Variants in HDAC9 observed in about 807,000 individuals in gnomAD.
HDAC9 encodes the protein histone deacetylase 9.
In HDAC9, 41 loss-of-function variants were observed where a neutral mutation model predicts 139.4. The ratio of observed to expected loss-of-function variants is 0.29; its 90% CI spans 0.23 to 0.38. HDAC9 has a LOEUF of 0.38. Among genes scored for constraint, HDAC9 ranks in the 10% least tolerant of loss-of-function variants. HDAC9 has a pLI of 1.00. For synonymous variants in HDAC9, 517 were observed against 476.2 expected, an observed-to-expected ratio of 1.09 and a Z score of -1.12; for missense variants, 1,147 against 1,297.0, an observed-to-expected ratio of 0.88 and a Z score of 1.78.
chr7:18,568,780 G>A (rs1823297670), intron 2 of HDAC9, among the ~76,000 whole-genome samples: 1 of 152,182 alleles, frequency 6.6e-6, no homozygotes, highest in Non-Finnish European at 1.5e-5. Flanking sequence ...GGGCGCAGTG[G>A]CTCACACCTG....
chr7:18,980,132 T>C (rs1784804544), intron 25 of HDAC9, among the ~76,000 whole-genome samples: 1 of 152,138 alleles, frequency 6.6e-6, no homozygotes, highest in South Asian at 2.1e-4. Flanking sequence ...AGGGCCATCA[T>C]TTTATCTCTA....
chr7:18,996,098 A>G lies in HDAC9; in HGVS notation c.*36A>G. The G allele has an allele frequency of 6.5e-7, 1 of 1,543,564 alleles. No homozygotes were observed. Among genetic ancestry groups the G allele is most frequent in the Non-Finnish European group, 8.9e-7 (1 of 1,125,318 alleles). ...CCCCCTCTGATATTTCCTGTGTGTG[A>G]CATCATTGTGTATCCCCCCACCCCA... On this transcript the variant is annotated 3_prime_UTR_variant, in exon 26 of 26. Coordinates refer to ENST00000686413, the MANE Select transcript of HDAC9 (RefSeq NM_178425.4).
intron 1 of HDAC9, among the ~76,000 whole-genome samples, chr7:18,315,384 T>C (rs1466413907): frequency 1.3e-5 from 2 of 152,096 alleles, no homozygotes; most frequent in East Asian, 3.9e-4. Context: ...CATTAGCTGC[T>C]CAAGGTCACA....
intron 1 of HDAC9, among the ~76,000 whole-genome samples, chr7:18,381,356 T>C (rs1562936137): frequency 6.6e-6 from 1 of 152,042 alleles, no homozygotes; most frequent in Non-Finnish European, 1.5e-5. Flanking sequence ...GTTGAATAAA[T>C]TTCTCTAACT....
At chr7:18,561,830 A>C (rs1820710271) in intron 2 of HDAC9, among the ~76,000 whole-genome samples, 1 of 152,132 alleles carries the variant, frequency 6.6e-6, no homozygotes, top group South Asian at 2.1e-4. Flanking sequence ...ACCACATTTT[A>C]TTTATCAGTG....
At chr7:18,192,695 C>T (rs1790438848) in intron 2 of HDAC9, among the ~76,000 whole-genome samples, 1 of 152,060 alleles carries the variant, frequency 6.6e-6, no homozygotes, top group Non-Finnish European at 1.5e-5. Context: ...TCATCTAGTC[C>T]AGTGCTCATG....
At position 18,301,358 on chromosome 7, in the gene HDAC9, G is replaced by C. The variant is rs76616931; in HGVS notation, c.-42+10843G>C. On this transcript the variant is annotated intron_variant, in intron 1 of 3. Coordinates refer to the HDAC9 transcript ENST00000413509. Reference sequence around the variant, plus strand: ...GTAGTTGAAGTTGCATTTTATGATAGAGCAGGACATTGTTGTCGTGTTTTT... The same window carrying C: ...GTAGTTGAAGTTGCATTTTATGATACAGCAGGACATTGTTGTCGTGTTTTT... Among the ~76,000 whole-genome samples the C allele has an allele frequency of 3.8e-3, 574 of 152,202 alleles. 1 individual carries two copies. The highest frequency in any genetic ancestry group is 6.9e-3 in the Non-Finnish European group (472 of 67,982).
intron 1 of HDAC9, among the ~76,000 whole-genome samples, chr7:18,448,391 C>A (rs970106978): frequency 6.6e-6 from 1 of 151,978 alleles, no homozygotes; most frequent in African/African-American, 2.4e-5. Context: ...GTACAAAATG[C>A]AAGAAAGCAT....
chr7:18,686,790 G>T (rs1782307962), intron 12 of HDAC9, among the ~76,000 whole-genome samples: 2 of 151,714 alleles, frequency 1.3e-5, no homozygotes, highest in South Asian at 4.1e-4. Context: ...ATGTTTAAAA[G>T]AATGGTTGGA....
At chr7:18,522,819 C>T (rs1277209620) in intron 2 of HDAC9, among the ~76,000 whole-genome samples, 1 of 152,096 alleles carries the variant, frequency 6.6e-6, no homozygotes, top group Non-Finnish European at 1.5e-5. Flanking sequence ...TCCCAGGAAT[C>T]CTCTTTGTAG....
chr7:18,666,421 A>G lies in HDAC9; in HGVS notation c.1676A>G (p.Glu559Gly), dbSNP rs1794912627. The change falls in exon 12 of 26, where the codon GAA (glutamate) becomes GGA (glycine). Residue 559 changes from glutamate (E) to glycine (G), a missense_variant. By Grantham distance (98) the Glu-to-Gly change is moderately conservative. This residue lies in a region of HDAC9 where 256 missense variants were observed against 219.2 expected (regional missense o/e 1.17). Transcript: ENST00000686413. ...KVKEEPVDSD[E>G]DAQIQEMESG... ...AAGGAGGAACCAGTGGACAGTGATG[A>G]AGATGCTCAGATCCAGGAAATGGAA... 1 of 1,612,658 alleles carries G rather than the reference A, an allele frequency of 6.2e-7. No individual in the cohort carries two copies. The highest frequency in any genetic ancestry group is 1.7e-5 in the Admixed American group (1 of 59,822).
chr7:18,518,247 T>C (rs1487354399), intron 2 of HDAC9, among the ~76,000 whole-genome samples: 1 of 152,220 alleles, frequency 6.6e-6, no homozygotes, highest in Non-Finnish European at 1.5e-5. Flanking sequence ...GGGAACTTCT[T>C]CTATACGAAT....
At chr7:18,245,805 T>A (rs1430958679) in intron 2 of HDAC9, among the ~76,000 whole-genome samples, 1 of 152,154 alleles carries the variant, frequency 6.6e-6, no homozygotes, top group African/African-American at 2.4e-5. Flanking sequence ...TGTGCTCGTT[T>A]GTTCACCATT....
At chr7:18,841,816 TCTC>T (rs774518980) in intron 21 of HDAC9, among the ~76,000 whole-genome samples, 3 of 152,128 alleles carry the variant, frequency 2.0e-5, no homozygotes, top group Non-Finnish European at 4.4e-5. Flanking sequence ...CCTTGTGTCT[TCTC>T]CTCATCTGAC....
At chr7:18,975,735 C>A in intron 24 of HDAC9, 71 bp from the exon 25 acceptor site, 2 of 1,413,192 alleles carry the variant, frequency 1.4e-6, no homozygotes, top group Non-Finnish European at 2.0e-6. Context: ...CTGAGTTGGA[C>A]GTATGTGAGT....
At position 18,449,583 on chromosome 7, in the gene HDAC9, G is replaced by T. The variant is rs201039540; in HGVS notation, c.-41-46679G>T. Among the ~76,000 whole-genome samples the T allele has an allele frequency of 5.9e-5, 9 of 152,148 alleles. No individual in the cohort carries two copies. In the East Asian group the frequency reaches 1.4e-3, roughly 23 times the overall value. ...TAATACACTAAGATATACACCTATG[G>T]TTTGCCCGCTTTTCAGGATGTATGT... On this transcript the variant is annotated intron_variant, in intron 1 of 3. Coordinates refer to the HDAC9 transcript ENST00000413509.
intron 2 of HDAC9, among the ~76,000 whole-genome samples, chr7:18,533,276 T>G (rs929848860): frequency 3.9e-5 from 6 of 152,210 alleles, no homozygotes; most frequent in Non-Finnish European, 8.8e-5. Context: ...TCTTTCTCTA[T>G]TGGGAACTAA....
intron 2 of HDAC9, among the ~76,000 whole-genome samples, chr7:18,547,279 A>C (rs985330851): frequency 3.9e-5 from 6 of 152,074 alleles, no homozygotes; most frequent in Non-Finnish European, 8.8e-5. Flanking sequence ...TCTGTTGCCC[A>C]GGCTGGAGTG....
At position 18,880,425 on chromosome 7, in the gene HDAC9, T is replaced by A. The variant is rs140690961; in HGVS notation, c.2803+5829T>A. Among the ~76,000 whole-genome samples the A allele has an allele frequency of 2.4e-3, 365 of 152,224 alleles. 7 individuals carry two copies. The highest frequency in any genetic ancestry group is 6.3e-4 in the Non-Finnish European group (43 of 67,996). On this transcript the variant is annotated intron_variant, in intron 22 of 25. Transcript: ENST00000686413. Reference sequence around the variant, plus strand: ...ATCAACTTAAGTGCCCATCAATGATTGACTGAACAAAGAAAATGTGGTACA... The same window carrying A: ...ATCAACTTAAGTGCCCATCAATGATAGACTGAACAAAGAAAATGTGGTACA...
Sources: gnomAD v4.1 joint callset for allele counts (sites outside exome capture counted in the v4.1 genomes callset) on GRCh38, gnomAD v4.1.1 for gene constraint, gnomAD v4.1.1 regional missense constraint, MANE v1.5 for transcripts, NCBI Gene and HGNC (gene_info 2026-07-23, HGNC 2026-07-21) for gene names.